MVB12B: variants seen among roughly 807,000 people sequenced by gnomAD.
The protein encoded by MVB12B is ESCRT-I complex subunit MVB12B.
In MVB12B, 16 loss-of-function variants were observed where a neutral mutation model predicts 41.6. The ratio of observed to expected loss-of-function variants is 0.38; its 90% CI spans 0.26 to 0.58. The LOEUF (loss-of-function observed/expected upper bound fraction) is 0.58, where lower values mean the gene tolerates loss of function less well. Ranked by LOEUF, MVB12B falls within the 20% of genes least tolerant of loss-of-function variation. MVB12B has a pLI of 0.62. For synonymous variants in MVB12B, 133 were observed against 139.7 expected (o/e 0.95, Z 0.34); for missense variants, 274 against 380.2 (o/e 0.72, Z 2.32).
At chr9:126,493,641 A>C (rs971771580) in intron 9 of MVB12B, among the ~76,000 whole-genome samples, 7 of 152,220 alleles carry the variant, frequency 4.6e-5, no homozygotes, top group African/African-American at 1.7e-4. Context: ...GGAATCTTAG[A>C]TCAAGCGTCT....
At chr9:126,438,778 T>C (rs1832559092) in intron 7 of MVB12B, among the ~76,000 whole-genome samples, 1 of 152,220 alleles carries the variant, frequency 6.6e-6, no homozygotes, top group South Asian at 2.1e-4. Flanking sequence ...GTATTTTAAA[T>C]ATAGCAGTAA....
At chr9:126,356,452 A>G (rs1238664412) in intron 2 of MVB12B, among the ~76,000 whole-genome samples, 1 of 152,098 alleles carries the variant, frequency 6.6e-6, no homozygotes, top group African/African-American at 2.4e-5. Flanking sequence ...TGATAGCTTT[A>G]TAATTGACAT....
chr9:126,377,146 AG>A (rs368787577), intron 2 of MVB12B, among the ~76,000 whole-genome samples: 14 of 152,322 alleles, frequency 9.2e-5, no homozygotes, highest in African/African-American at 3.4e-4. Flanking sequence ...TGGCAGGAAG[AG>A]AGATAAACCA....
Position 126,417,495 on chromosome 9 carries a change from G to A in MVB12B, c.663-4359G>A, listed in dbSNP as rs150005329. On this transcript the variant is annotated intron_variant, in intron 6 of 9. Coordinates refer to ENST00000361171, the MANE Select transcript of MVB12B (RefSeq NM_033446.3). ...GGTGAGATTCAGGGTATAAAACAGA[G>A]ACCCCTGGAGCCTAATTAATTGGGA... Among the ~76,000 whole-genome samples the A allele has an allele frequency of 5.9e-5, 9 of 152,188 alleles. 1 individual carries two copies. The highest frequency in any genetic ancestry group is 2.2e-4 in the African/African-American group (9 of 41,502).
intron 7 of MVB12B, among the ~76,000 whole-genome samples, chr9:126,445,618 G>A (rs947024710): frequency 6.6e-6 from 1 of 151,988 alleles, no homozygotes; most frequent in African/African-American, 2.4e-5. Flanking sequence ...TGCCCATTAT[G>A]TTTTCATTGG....
At chr9:126,438,327 G>C (rs1055587146) in intron 7 of MVB12B, among the ~76,000 whole-genome samples, 2 of 151,878 alleles carry the variant, frequency 1.3e-5, no homozygotes, top group Admixed American at 6.5e-5. Context: ...GACTTGTCTT[G>C]ATTTACATAA....
intron 9 of MVB12B, among the ~76,000 whole-genome samples, chr9:126,498,413 C>T (rs1833883502): frequency 6.6e-6 from 1 of 152,236 alleles, no homozygotes; most frequent in South Asian, 2.1e-4. Flanking sequence ...TCTCGTTGGC[C>T]CCAGCCTTGG....
intron 7 of MVB12B, among the ~76,000 whole-genome samples, chr9:126,442,491 G>A (rs1397046020): frequency 6.6e-6 from 1 of 152,292 alleles, no homozygotes; most frequent in African/African-American, 2.4e-5. Context: ...TATCATGCCA[G>A]TAACAAACAC....
At chr9:126,338,795 T>C (rs1453647397) in intron 1 of MVB12B, among the ~76,000 whole-genome samples, 1 of 152,232 alleles carries the variant, frequency 6.6e-6, no homozygotes, top group Non-Finnish European at 1.5e-5. Context: ...GATCAATGCC[T>C]GCTCTGGATC....
intron 2 of MVB12B, among the ~76,000 whole-genome samples, chr9:126,346,003 CAGGTGAG>C (rs1829576188): frequency 6.6e-6 from 1 of 152,178 alleles, no homozygotes; most frequent in Non-Finnish European, 1.5e-5. Flanking sequence ...TGGGCTCCAT[CAGGTGAG>C]AGGTGAGAGA....
chr9:126,476,616 C>T (rs1833426574), intron 7 of MVB12B, among the ~76,000 whole-genome samples: 1 of 152,122 alleles, frequency 6.6e-6, no homozygotes, highest in Admixed American at 6.5e-5. Flanking sequence ...GTGGCTCACG[C>T]CTGTAATCCC....
At chr9:126,361,833 G>A (rs1383450478) in intron 2 of MVB12B, among the ~76,000 whole-genome samples, 7 of 150,366 alleles carry the variant, frequency 4.7e-5, no homozygotes, top group Admixed American at 1.3e-4. Context: ...AGAATCACCC[G>A]AGCCCGGGAA....
At position 126,430,351 on chromosome 9, in the gene MVB12B, G is replaced by A. The variant is rs150839386; in HGVS notation, c.757+8403G>A. On this transcript the variant is annotated intron_variant, in intron 7 of 9. Coordinates refer to ENST00000361171, the MANE Select transcript of MVB12B (RefSeq NM_033446.3). ...CTTTGTCTTGCGCTATGCTTGCCCCGCCACTCCAGCAGCTCAGATTTCACC... is the reference window on the plus strand; with the variant it reads ...CTTTGTCTTGCGCTATGCTTGCCCCACCACTCCAGCAGCTCAGATTTCACC... Among the ~76,000 whole-genome samples, 854 of 152,080 alleles carry A rather than the reference G, an allele frequency of 5.6e-3. 7 individuals carry two copies. Among genetic ancestry groups the A allele is most frequent in the South Asian group, 0.011 (53 of 4,814 alleles).
intron 9 of MVB12B, among the ~76,000 whole-genome samples, chr9:126,488,840 A>C (rs1457983277): frequency 6.6e-6 from 1 of 152,158 alleles, no homozygotes; most frequent in Non-Finnish European, 1.5e-5. Flanking sequence ...TCTGAATCGA[A>C]GCCGAAGCAC....
chr9:126,457,945 T>C (rs1434001829), intron 7 of MVB12B, among the ~76,000 whole-genome samples: 1 of 152,188 alleles, frequency 6.6e-6, no homozygotes, highest in Non-Finnish European at 1.5e-5. Flanking sequence ...TTTCAAAGTA[T>C]GTCTGGCAAA....
chr9:126,379,271 C>G (rs749896591), intron 2 of MVB12B, among the ~76,000 whole-genome samples: 18 of 152,128 alleles, frequency 1.2e-4, no homozygotes, highest in South Asian at 2.1e-4. Context: ...TGGTGCTGTG[C>G]CTTTTTCGTG....
At position 126,480,599 on chromosome 9, in the gene MVB12B, C is replaced by T. The variant is rs550362978; in HGVS notation, c.758-770C>T. On this transcript the variant is annotated intron_variant, in intron 7 of 9. Transcript: ENST00000361171. The surrounding 1 kb of genome is among the most constrained non-coding windows in gnomAD (Gnocchi z 4.9). ...GTTTCTCCATCGTTGCGTCCCCGTT[C>T]CATGCCCTTTTTCTCGTGTCCTGTT... 6.6e-6 allele frequency among the ~76,000 whole-genome samples: 1 copy of T among 152,286 alleles called. No individual in the cohort carries two copies. The highest frequency in any genetic ancestry group is 1.9e-4 in the East Asian group (1 of 5,178).
intron 7 of MVB12B, among the ~76,000 whole-genome samples, chr9:126,437,269 C>T (rs1306740505): frequency 1.3e-5 from 2 of 152,076 alleles, no homozygotes; most frequent in South Asian, 2.1e-4. Context: ...AGTTATTAAC[C>T]GAATGACAAT....
intron 8 of MVB12B, among the ~76,000 whole-genome samples, chr9:126,482,886 C>T (rs547028627): frequency 2.0e-4 from 30 of 152,390 alleles, no homozygotes; most frequent in Admixed American, 3.3e-4. Context: ...CAGCGCCCCG[C>T]AGCCCCACTA....
Sources: gnomAD v4.1 joint callset for allele counts (sites outside exome capture counted in the v4.1 genomes callset) on GRCh38, gnomAD v4.1.1 for gene constraint, Gnocchi (gnomAD v3.1) non-coding constraint, MANE v1.5 for transcripts, NCBI Gene and HGNC (gene_info 2026-07-23, HGNC 2026-07-21) for gene names.